The following VPS13D variants were observed in gnomAD, a reference collection of about 807,000 sequenced individuals.
VPS13D encodes the protein vacuolar protein sorting 13 homolog D.
In VPS13D, 187 loss-of-function variants were observed where a neutral mutation model predicts 461.9. The ratio of observed to expected loss-of-function variants is 0.40; its 90% CI spans 0.36 to 0.46. VPS13D has a LOEUF of 0.46. VPS13D is among the 20% of genes least tolerant of loss of function. The pLI, the probability that VPS13D is intolerant of heterozygous loss-of-function variation, is 0.60. For missense variants in VPS13D, 4,711 were observed against 5,364.9 expected, an observed-to-expected ratio of 0.88 and a Z score of 3.81; for synonymous variants, 1,951 against 1,986.3, an observed-to-expected ratio of 0.98 and a Z score of 0.47.
chr1:12,459,699 G>A (rs999106436), intron 66 of VPS13D, among the ~76,000 whole-genome samples: 4 of 151,866 alleles, frequency 2.6e-5, no homozygotes, highest in East Asian at 1.9e-4. Flanking sequence ...GGATGGTCTC[G>A]ATCTCTTGAC....
chr1:12,306,418 CA>C, intron 26 of VPS13D, among the ~76,000 whole-genome samples: 1 of 152,186 alleles, frequency 6.6e-6, no homozygotes, highest in Non-Finnish European at 1.5e-5. Flanking sequence ...GAGGGGGCTG[CA>C]CCTGAGGGCC....
intron 2 of VPS13D, among the ~76,000 whole-genome samples, chr1:12,241,028 C>G (rs1436100171): frequency 6.6e-6 from 1 of 151,990 alleles, no homozygotes; most frequent in Admixed American, 6.6e-5. Context: ...GCAGCCTTGA[C>G]CTCCTGGGCT....
chr1:12,246,973 CAGTTGTCT>C (rs1290960150), intron 5 of VPS13D, among the ~76,000 whole-genome samples: 2 of 152,240 alleles, frequency 1.3e-5, no homozygotes, highest in African/African-American at 4.8e-5. Flanking sequence ...AACATGTTTT[CAGTTGTCT>C]CAAATAGATA....
Position 12,318,255 on chromosome 1 carries a change from T to C in VPS13D, c.7332T>C (p.Thr2444=), listed in dbSNP as rs1437100642. 1 of 1,614,164 alleles carries C rather than the reference T, an allele frequency of 6.2e-7. No individual in the cohort carries two copies. Among genetic ancestry groups the C allele is most frequent in the Non-Finnish European group, 8.5e-7 (1 of 1,180,020 alleles). Residue 2444 remains threonine (T), a synonymous_variant, in exon 31 of 70, where the codon ACT becomes ACC. Transcript: ENST00000620676. ...SSSESAIVPK[T]VKSGVVTKRS... is the part of the protein sequence containing the mutation. ...GCGAATCTGCTATAGTTCCCAAAAC[T>C]GTGAAGAGTGGAGTAGTTACCAAGC...
Position 12,364,838 on chromosome 1 carries a change from G to T in VPS13D, c.10448+1591G>T, listed in dbSNP as rs79286072. On this transcript the variant is annotated intron_variant, in intron 52 of 69. Coordinates refer to ENST00000620676, the MANE Select transcript of VPS13D (RefSeq NM_015378.4). Reference sequence around the variant, plus strand: ...CTGTTCAATTCCTTTGCCAATTTTTGAATTAGGTTGTTTTTGAATTGTAGG... The same window carrying T: ...CTGTTCAATTCCTTTGCCAATTTTTTAATTAGGTTGTTTTTGAATTGTAGG... 3.6e-3 allele frequency among the ~76,000 whole-genome samples: 543 copies of T among 152,200 alleles called. 3 individuals carry two copies. The highest frequency in any genetic ancestry group is 0.013 in the African/African-American group (523 of 41,506).
intron 63 of VPS13D, among the ~76,000 whole-genome samples, chr1:12,408,020 C>G (rs1262776348): frequency 6.6e-6 from 1 of 152,144 alleles, no homozygotes; most frequent in African/African-American, 2.4e-5. Context: ...TATTTTATGA[C>G]TCTAAGCAAA....
At chr1:12,454,601 T>C (rs1284097665) in intron 65 of VPS13D, among the ~76,000 whole-genome samples, 2 of 152,260 alleles carry the variant, frequency 1.3e-5, no homozygotes, top group African/African-American at 4.8e-5. Flanking sequence ...CTGTGTTCAC[T>C]AGTCCCTCTT....
intron 46 of VPS13D, among the ~76,000 whole-genome samples, chr1:12,353,532 CA>C (rs79787458): frequency 4.3e-3 from 157 of 36,338 alleles, no homozygotes; most frequent in East Asian, 0.012. Flanking sequence ...GACTGCATCT[CA>C]AAAAAAAAAA....
intron 63 of VPS13D, among the ~76,000 whole-genome samples, chr1:12,411,309 ATAAC>A (rs2100211389): frequency 6.6e-6 from 1 of 152,318 alleles, no homozygotes; most frequent in East Asian, 1.9e-4. Flanking sequence ...GTCAGCAATA[ATAAC>A]AGAGAAAAGA....
intron 24 of VPS13D, among the ~76,000 whole-genome samples, chr1:12,296,350 G>T (rs1355564672): frequency 6.6e-6 from 1 of 152,042 alleles, no homozygotes; most frequent in South Asian, 2.1e-4. Flanking sequence ...CTTTTTATTT[G>T]ATATAAAATG....
chr1:12,231,729 CTG>C (rs1442924961), intron 1 of VPS13D, among the ~76,000 whole-genome samples: 1 of 152,214 alleles, frequency 6.6e-6, no homozygotes, highest in Non-Finnish European at 1.5e-5. Context: ...TGGCTCACGC[CTG>C]TAATCCCAGC....
In VPS13D at chr1:12,403,477, A is replaced by G. The variant is rs545931910; in HGVS notation, c.11882-348A>G. 1.3e-3 allele frequency among the ~76,000 whole-genome samples: 201 copies of G among 152,376 alleles called. 1 individual carries two copies. Among genetic ancestry groups the G allele is most frequent in the Middle Eastern group, 0.01 (3 of 294 alleles). On this transcript the variant is annotated intron_variant, in intron 62 of 69. Coordinates refer to ENST00000620676, the MANE Select transcript of VPS13D (RefSeq NM_015378.4). Reference sequence around the variant, plus strand: ...TTTGGATATGATCCTAGGAAAATAAATTTAGATAATCTGGGTCATTGATAA... The same window carrying G: ...TTTGGATATGATCCTAGGAAAATAAGTTTAGATAATCTGGGTCATTGATAA...
intron 10 of VPS13D, among the ~76,000 whole-genome samples, chr1:12,259,373 T>C (rs1325170936): frequency 1.3e-5 from 2 of 151,170 alleles, no homozygotes; most frequent in Non-Finnish European, 2.9e-5. Context: ...TGGAGTGCAG[T>C]GGTGCAATCT....
Position 12,299,695 on chromosome 1 carries a change from C to T in VPS13D, c.6216+311C>T, listed in dbSNP as rs537915295. ...AAATGTAGGTAGTAACTTGTTTTAGCAAACAAACCAATGGAATCAACCTTC... is the reference window on the plus strand; with the variant it reads ...AAATGTAGGTAGTAACTTGTTTTAGTAAACAAACCAATGGAATCAACCTTC... On this transcript the variant is annotated intron_variant, in intron 25 of 69. Coordinates refer to ENST00000620676, the MANE Select transcript of VPS13D (RefSeq NM_015378.4). The surrounding 1 kb of genome is among the most constrained non-coding windows in gnomAD (Gnocchi z 4.2). Among the ~76,000 whole-genome samples, 1 of 152,224 alleles carries T rather than the reference C, an allele frequency of 6.6e-6. No homozygotes were observed. The highest frequency in any genetic ancestry group is 1.5e-5 in the Non-Finnish European group (1 of 68,010).
At chr1:12,307,737 C>G (rs1642607706) in intron 26 of VPS13D, among the ~76,000 whole-genome samples, 1 of 152,188 alleles carries the variant, frequency 6.6e-6, no homozygotes, top group Admixed American at 6.5e-5. Flanking sequence ...GGTGATCCAC[C>G]TGCCTCAGCC....
At chr1:12,251,165 C>G (rs1640719244) in intron 6 of VPS13D, among the ~76,000 whole-genome samples, 1 of 152,134 alleles carries the variant, frequency 6.6e-6, no homozygotes, top group Non-Finnish European at 1.5e-5. Flanking sequence ...GACTGCATGG[C>G]CTGCAGAGCC....
In VPS13D at chr1:12,379,501, A is replaced by G. The variant is rs1263854391; in HGVS notation, c.11095A>G (p.Met3699Val). ...AVTDNRYEPLMLRKPDRRRST... is the reference protein window; with the variant it reads ...AVTDNRYEPLVLRKPDRRRST... ...TCCGTTTTCCAGATACGAGCCACTG[A>G]TGCTGAGAAAGCCTGACCGCAGGCG... Residue 3699 changes from methionine to valine, a missense_variant, in exon 57 of 70, where the codon ATG becomes GTG. Met to Val is a conservative substitution (Grantham distance 21, BLOSUM62 1). This residue lies in a region of VPS13D where 4,411 missense variants were observed against 4,937.8 expected (regional missense o/e 0.89). Coordinates refer to ENST00000620676, the MANE Select transcript of VPS13D (RefSeq NM_015378.4). 1 of 1,612,952 alleles carries G rather than the reference A, an allele frequency of 6.2e-7. No homozygotes were observed. Among genetic ancestry groups the G allele is most frequent in the South Asian group, 1.1e-5 (1 of 90,892 alleles).
intron 68 of VPS13D, among the ~76,000 whole-genome samples, chr1:12,498,461 C>T (rs994785924): frequency 1.3e-5 from 2 of 152,104 alleles, no homozygotes; most frequent in Non-Finnish European, 2.9e-5. Context: ...GATCTCATCT[C>T]ATAGTTTCAT....
intron 7 of VPS13D, among the ~76,000 whole-genome samples, chr1:12,254,409 T>A (rs1005650895): frequency 1.3e-5 from 2 of 152,074 alleles, no homozygotes; most frequent in African/African-American, 4.8e-5. Context: ...CTTACCACAT[T>A]TATGTTTAAA....
Sources: gnomAD v4.1 joint callset for allele counts (sites outside exome capture counted in the v4.1 genomes callset) on GRCh38, gnomAD v4.1.1 for gene constraint, gnomAD v4.1.1 regional missense constraint, Gnocchi (gnomAD v3.1) non-coding constraint, MANE v1.5 for transcripts, NCBI Gene and HGNC (gene_info 2026-07-23, HGNC 2026-07-21) for gene names.